The following FAF1 variants were observed in gnomAD, a reference collection of about 807,000 sequenced individuals.
FAF1 encodes Fas associated factor 1.
A neutral mutation model predicts 92.5 loss-of-function variants in FAF1; 25 were observed. The observed-to-expected ratio is 0.27, with a 90% CI of 0.20 to 0.38. The LOEUF (loss-of-function observed/expected upper bound fraction) is 0.38. Ranked by LOEUF, FAF1 falls within the 10% of genes least tolerant of loss-of-function variation. The probability of loss-of-function intolerance (pLI) is 1.00; values close to 1 mark genes in which losing one functional copy is unlikely to be tolerated. For synonymous variants in FAF1, 234 were observed against 273.2 expected (o/e 0.86, Z 1.42); for missense variants, 636 against 793.3 (o/e 0.80, Z 2.38).
chr1:50,881,292 T>C (rs1644609997), intron 1 of FAF1, among the ~76,000 whole-genome samples: 2 of 152,196 alleles, frequency 1.3e-5, no homozygotes, highest in African/African-American at 2.4e-5. Flanking sequence ...GGTGGCCCCC[T>C]TATACAATCT....
At chr1:50,725,834 C>A (rs1658625782) in intron 6 of FAF1, among the ~76,000 whole-genome samples, 1 of 152,188 alleles carries the variant, frequency 6.6e-6, no homozygotes, top group African/African-American at 2.4e-5. Flanking sequence ...TTTACTCCTG[C>A]TTGAACAAAC....
chr1:50,719,685 C>A (rs1446122268), intron 6 of FAF1, among the ~76,000 whole-genome samples: 1 of 152,026 alleles, frequency 6.6e-6, no homozygotes, highest in Admixed American at 6.6e-5. Context: ...ACCATCTAGA[C>A]AAAATTTGAA....
intron 1 of FAF1, among the ~76,000 whole-genome samples, chr1:50,950,858 G>C (rs958859592): frequency 1.1e-4 from 16 of 152,192 alleles, no homozygotes; most frequent in Non-Finnish European, 2.1e-4. Context: ...AATTTCTAAA[G>C]AGCAGTTTTT....
chr1:50,519,502 T>C (rs777862372), intron 15 of FAF1, among the ~76,000 whole-genome samples: 16 of 151,960 alleles, frequency 1.1e-4, no homozygotes, highest in Admixed American at 5.9e-4. Context: ...TAGTTTTTAC[T>C]AGTCTGCTAC....
intron 4 of FAF1, among the ~76,000 whole-genome samples, chr1:50,769,987 G>A (rs549483334): frequency 4.6e-5 from 7 of 152,246 alleles, no homozygotes; most frequent in Non-Finnish European, 7.3e-5. Flanking sequence ...GGAGGCGGAC[G>A]TTGCAGTGAG....
At position 50,583,724 on chromosome 1, in the gene FAF1, CA is replaced by C. The variant is rs1651093748; in HGVS notation, c.968-10del. 21 of 1,560,382 alleles carry C rather than the reference CA, an allele frequency of 1.3e-5. No individual in the cohort carries two copies. The highest frequency in any genetic ancestry group is 1.8e-5 in the Non-Finnish European group (21 of 1,149,792). ...TTCTGCGTTTTCTGGCACTAAAAAA[CA>C]AACAAAAGAAAAAACAAAAACAAAA... On this transcript the variant is annotated splice_polypyrimidine_tract_variant and intron_variant, in intron 10 of 18. Transcript: ENST00000396153. This position sits in a 1 kb window ranked among gnomAD's most constrained non-coding sequence, Gnocchi z 4.2.
intron 2 of FAF1, among the ~76,000 whole-genome samples, chr1:50,812,081 TC>T (rs1643921261): frequency 2.0e-5 from 3 of 152,084 alleles, no homozygotes; most frequent in African/African-American, 7.2e-5. Context: ...AATTAAAGAC[TC>T]AAATGTAAAA....
chr1:50,715,592 CT>C (rs1557490145), intron 6 of FAF1, among the ~76,000 whole-genome samples: 1 of 152,184 alleles, frequency 6.6e-6, no homozygotes, highest in Non-Finnish European at 1.5e-5. Flanking sequence ...AGTAAAACTT[CT>C]TTTCTCTACT....
intron 4 of FAF1, among the ~76,000 whole-genome samples, chr1:50,773,346 A>G (rs894901811): frequency 2.0e-5 from 3 of 152,218 alleles, no homozygotes; most frequent in African/African-American, 7.2e-5. Flanking sequence ...AGCCAAAGTA[A>G]TTAAAATGTG....
At chr1:50,811,551 T>C (rs1643912202) in intron 2 of FAF1, among the ~76,000 whole-genome samples, 2 of 152,018 alleles carry the variant, frequency 1.3e-5, no homozygotes, top group Non-Finnish European at 2.9e-5. Context: ...TGCTCAAAGG[T>C]ATCACACATG....
chr1:50,499,065 T>C (rs1370582083), intron 15 of FAF1, among the ~76,000 whole-genome samples: 1 of 152,222 alleles, frequency 6.6e-6, no homozygotes, highest in African/African-American at 2.4e-5. Context: ...TAAATTCTTA[T>C]ATCTACTATA....
chr1:50,608,730 G>A (rs1244719419), intron 8 of FAF1, among the ~76,000 whole-genome samples: 1 of 152,140 alleles, frequency 6.6e-6, no homozygotes, highest in Admixed American at 6.5e-5. Flanking sequence ...AACTTCTTTG[G>A]TAGGTAGATG....
intron 1 of FAF1, among the ~76,000 whole-genome samples, chr1:50,867,715 C>T (rs375158728): frequency 2.6e-5 from 4 of 152,088 alleles, no homozygotes; most frequent in Non-Finnish European, 5.9e-5. Context: ...AAATAGAACA[C>T]TTTTACACTG....
In FAF1 at chr1:50,759,782, T is replaced by C. The variant is rs367649130; in HGVS notation, c.368-15007A>G. Among the ~76,000 whole-genome samples the C allele has an allele frequency of 1.8e-4, 28 of 152,308 alleles. No individual in the cohort carries two copies. The South Asian group carries it at 4.6e-3, about 25-fold the overall frequency. On this transcript the variant is annotated intron_variant, in intron 4 of 18. Transcript: ENST00000396153. Reference sequence around the variant, plus strand: ...CAGTCACACCAACAGTGTAAAAGTGTTCCTATTTCTCCACATCCTCTCCAG... The same window carrying C: ...CAGTCACACCAACAGTGTAAAAGTGCTCCTATTTCTCCACATCCTCTCCAG...
chr1:50,699,902 C>T (rs1480835099), intron 7 of FAF1, among the ~76,000 whole-genome samples: 3 of 152,130 alleles, frequency 2.0e-5, no homozygotes, highest in Non-Finnish European at 4.4e-5. Context: ...ACTAACCCTA[C>T]ATTCATGTTA....
At chr1:50,883,140 C>T (rs1224555006) in intron 1 of FAF1, among the ~76,000 whole-genome samples, 3 of 152,000 alleles carry the variant, frequency 2.0e-5, no homozygotes, top group Non-Finnish European at 4.4e-5. Flanking sequence ...GGATGCAATT[C>T]AAATGCCTAA....
At chr1:50,866,273 C>G (rs979481358) in intron 1 of FAF1, among the ~76,000 whole-genome samples, 1 of 152,112 alleles carries the variant, frequency 6.6e-6, no homozygotes, top group African/African-American at 2.4e-5. Context: ...CCCCTGAGAA[C>G]TGGAACAAGA....
chr1:50,799,648 G>A (rs1293040554), intron 3 of FAF1, among the ~76,000 whole-genome samples: 2 of 152,164 alleles, frequency 1.3e-5, no homozygotes, highest in South Asian at 2.1e-4. Context: ...ATTATCTCAT[G>A]AGAATATTGC....
At chr1:50,951,368 G>A (rs1645212943) in intron 1 of FAF1, among the ~76,000 whole-genome samples, 1 of 152,236 alleles carries the variant, frequency 6.6e-6, no homozygotes, top group Non-Finnish European at 1.5e-5. Context: ...GTTCCCAACA[G>A]AGAACAAGTA....
Sources: allele counts gnomAD v4.1 joint callset (sites outside exome capture counted in the v4.1 genomes callset), GRCh38; gene constraint gnomAD v4.1.1; non-coding constraint Gnocchi (gnomAD v3.1); transcripts MANE v1.5; gene names NCBI Gene and HGNC (gene_info 2026-07-23, HGNC 2026-07-21).